POT1: variants seen among roughly 807,000 people sequenced by gnomAD.
POT1 encodes protection of telomeres 1, also known as protection of telomeres protein 1.
Under a neutral mutation model 78.5 loss-of-function variants are expected in POT1, and 47 were observed. That is an observed-to-expected ratio of 0.60 (90% confidence interval 0.47 to 0.76). POT1 has a LOEUF of 0.76. POT1 is among the 30% of genes least tolerant of loss of function. The pLI is 0.00. For synonymous variants in POT1, 259 were observed against 260.7 expected (o/e 0.99, Z 0.06); for missense variants, 646 against 749.9 (o/e 0.86, Z 1.62).
intron 2 of POT1, among the ~76,000 whole-genome samples, chr7:124,918,999 A>T (rs1797082691): frequency 6.6e-6 from 1 of 152,156 alleles, no homozygotes; most frequent in African/African-American, 2.4e-5. Flanking sequence ...CAACAGGGAT[A>T]CATTCTGAAA....
At chr7:124,851,997 A>G (rs200393544) in intron 10 of POT1, 46 bp from the exon 11 acceptor site, 1 of 1,333,752 alleles carries the variant, frequency 7.5e-7, no homozygotes, top group African/African-American at 1.5e-5. Flanking sequence ...AACAAAGTCA[A>G]TATAGTAAAT....
At chr7:124,920,326 A>G (rs537894319) in intron 2 of POT1, among the ~76,000 whole-genome samples, 66 of 152,318 alleles carry the variant, frequency 4.3e-4, no homozygotes, top group African/African-American at 1.5e-3. Context: ...GCCAGATGCA[A>G]AAGGCTACAT....
chr7:124,841,668 G>A (rs1795030847), intron 13 of POT1, among the ~76,000 whole-genome samples: 1 of 151,940 alleles, frequency 6.6e-6, no homozygotes, highest in East Asian at 1.9e-4. Context: ...CCATGTAGCA[G>A]AAATGGCATC....
intron 16 of POT1, among the ~76,000 whole-genome samples, chr7:124,827,981 C>T (rs750440268): frequency 2.6e-5 from 4 of 151,872 alleles, no homozygotes; most frequent in Admixed American, 1.3e-4. Flanking sequence ...TGCAGTGAGT[C>T]GAGATTGCAC....
intron 5 of POT1, among the ~76,000 whole-genome samples, chr7:124,894,486 G>C (rs772199617): frequency 6.6e-6 from 1 of 151,596 alleles, no homozygotes; most frequent in African/African-American, 2.4e-5. Context: ...ACAACTTCTT[G>C]TTTGGCTTTC....
chr7:124,914,968 C>T, intron 3 of POT1, among the ~76,000 whole-genome samples: 1 of 152,166 alleles, frequency 6.6e-6, no homozygotes, highest in East Asian at 1.9e-4. Flanking sequence ...CCCCTATGCT[C>T]TACCACCTTA....
chr7:124,858,161 G>A lies in POT1; in HGVS notation c.702+796C>T, dbSNP rs374443318. Among the ~76,000 whole-genome samples, 6 of 152,264 alleles carry A rather than the reference G, an allele frequency of 3.9e-5. No homozygotes were observed. In the East Asian group the frequency reaches 5.8e-4, roughly 15 times the overall value. ...GAAATACCCTGCTTCAATCCAACTA[G>A]CTGTGGAATCTTGAACCACTGATTT... On this transcript the variant is annotated intron_variant, in intron 9 of 18. Transcript: ENST00000357628.
At chr7:124,888,878 A>T (rs1032871393) in intron 6 of POT1, among the ~76,000 whole-genome samples, 3 of 121,840 alleles carry the variant, frequency 2.5e-5, no homozygotes, top group Non-Finnish European at 3.6e-5. Context: ...TAACTCCCCC[A>T]TCAACCTGTC....
chr7:124,834,952 A>G (rs374950861), intron 15 of POT1, among the ~76,000 whole-genome samples: 1 of 152,172 alleles, frequency 6.6e-6, no homozygotes, highest in South Asian at 2.1e-4. Flanking sequence ...AGGCATATGG[A>G]TAAAGCCGGA....
At chr7:124,899,328 T>C (rs913736868) in intron 3 of POT1, among the ~76,000 whole-genome samples, 2 of 152,288 alleles carry the variant, frequency 1.3e-5, no homozygotes, top group South Asian at 2.1e-4. Context: ...TAAAAATCTC[T>C]TGCCCTAACC....
At chr7:124,847,283 T>A (rs1795195141) in intron 11 of POT1, among the ~76,000 whole-genome samples, 1 of 152,164 alleles carries the variant, frequency 6.6e-6, no homozygotes, top group Admixed American at 6.5e-5. Flanking sequence ...TCACTTGAGA[T>A]CAGGAGTTAG....
chr7:124,900,120 G>C (rs1796583156), intron 3 of POT1, among the ~76,000 whole-genome samples: 1 of 151,900 alleles, frequency 6.6e-6, no homozygotes, highest in African/African-American at 2.4e-5. Context: ...ATTTATATTT[G>C]AATATACATA....
chr7:124,910,269 T>A (rs768512988), intron 3 of POT1, among the ~76,000 whole-genome samples: 25 of 151,908 alleles, frequency 1.6e-4, no homozygotes, highest in Non-Finnish European at 2.5e-4. Flanking sequence ...CAACAAAATC[T>A]TCTCAGACAA....
chr7:124,849,956 A>G (rs1795263847), intron 11 of POT1, among the ~76,000 whole-genome samples: 1 of 152,182 alleles, frequency 6.6e-6, no homozygotes. Context: ...GAATCACACT[A>G]AACTGTTAAA....
chr7:124,918,771 A>G (rs939292003), intron 2 of POT1, among the ~76,000 whole-genome samples: 1 of 152,150 alleles, frequency 6.6e-6, no homozygotes, highest in African/African-American at 2.4e-5. Flanking sequence ...ACGTATTTAC[A>G]TTAAGGAAAT....
At chr7:124,870,746 T>C (rs1795847794) in intron 7 of POT1, among the ~76,000 whole-genome samples, 165 bp downstream of exon 7, 1 of 152,120 alleles carries the variant, frequency 6.6e-6, no homozygotes, top group African/African-American at 2.4e-5. Flanking sequence ...TGTTTCTTAC[T>C]GTAAATTATT....
chr7:124,859,163 T>C, intron 8 of POT1, 51 bp from the exon 9 acceptor site: 2 of 1,393,446 alleles, frequency 1.4e-6, no homozygotes, highest in Non-Finnish European at 1.9e-6. Flanking sequence ...AAAATGCTTG[T>C]GCTAAAAAGT....
At chr7:124,865,731 G>A (rs564213817) in intron 7 of POT1, among the ~76,000 whole-genome samples, 2 of 151,090 alleles carry the variant, frequency 1.3e-5, no homozygotes, top group South Asian at 2.1e-4. Flanking sequence ...ATTTTGAGAC[G>A]GATCTCGTTC....
At chr7:124,880,340 C>T (rs1365552712) in intron 6 of POT1, among the ~76,000 whole-genome samples, 1 of 152,024 alleles carries the variant, frequency 6.6e-6, no homozygotes, top group East Asian at 1.9e-4. Flanking sequence ...CCAAATTGAT[C>T]TACTTTCGTA....
Sources: allele counts gnomAD v4.1 joint callset (sites outside exome capture counted in the v4.1 genomes callset), GRCh38; gene constraint gnomAD v4.1.1; transcripts MANE v1.5; gene names NCBI Gene and HGNC (gene_info 2026-07-23, HGNC 2026-07-21).